SYBU: variants seen among roughly 807,000 people sequenced by gnomAD.
SYBU encodes the protein syntabulin.
In SYBU, 21 loss-of-function variants were observed where a neutral mutation model predicts 35.9. The ratio of observed to expected loss-of-function variants is 0.58; its 90% CI spans 0.41 to 0.84. SYBU has a LOEUF of 0.84. SYBU is among the 40% of genes least tolerant of loss of function. The pLI, the probability that SYBU is intolerant of heterozygous loss-of-function variation, is 0.00. For synonymous variants in SYBU, 319 were observed against 324.3 expected (o/e 0.98, Z 0.18); for missense variants, 768 against 848.2 (o/e 0.91, Z 1.17).
intron 3 of SYBU, among the ~76,000 whole-genome samples, chr8:109,591,681 T>C (rs1824290836): frequency 6.6e-6 from 1 of 150,478 alleles, no homozygotes; most frequent in Non-Finnish European, 1.5e-5. Context: ...CCGGCTAATT[T>C]TTTTGTATTT....
chr8:109,663,258 C>CATACAGATAGATAGATAGAT (rs1282405275), intron 1 of SYBU, among the ~76,000 whole-genome samples: 126 of 149,142 alleles, frequency 8.4e-4, no homozygotes, highest in African/African-American at 2.2e-3. Context: ...AAAATACATA[C>CATACAGATAGATAGATAGAT]AGATAGATAG....
chr8:109,637,599 A>T (rs76985548), intron 2 of SYBU, among the ~76,000 whole-genome samples: 3,705 of 152,208 alleles, frequency 0.024, 144 homozygotes, highest in African/African-American at 0.085. Context: ...TTAAATTCAC[A>T]GGAGGGTAGC....
intron 1 of SYBU, among the ~76,000 whole-genome samples, chr8:109,659,595 C>A (rs895605545): frequency 1.3e-5 from 2 of 152,130 alleles, no homozygotes; most frequent in Non-Finnish European, 1.5e-5. Context: ...AAATTTTACT[C>A]ATCACAACTC....
intron 2 of SYBU, among the ~76,000 whole-genome samples, chr8:109,635,642 T>A (rs1248051569): frequency 6.6e-6 from 1 of 152,154 alleles, no homozygotes; most frequent in Non-Finnish European, 1.5e-5. Context: ...TTAGACACAA[T>A]CCTTCCCCTT....
At chr8:109,686,376 G>A (rs1817519674) in intron 1 of SYBU, among the ~76,000 whole-genome samples, 1 of 152,082 alleles carries the variant, frequency 6.6e-6, no homozygotes, top group Admixed American at 6.6e-5. Context: ...TAAAGTTTAC[G>A]CTTTCAAACC....
upstream of SYBU, among the ~76,000 whole-genome samples, chr8:109,684,327 T>A (rs1217835400): frequency 2.0e-5 from 3 of 152,224 alleles, no homozygotes; most frequent in South Asian, 2.1e-4. Flanking sequence ...TTATGAAAAG[T>A]GATCATAAGT....
In SYBU at chr8:109,617,119, G is replaced by A. The variant is rs1811892628; in HGVS notation, c.427+1723C>T. 2.7e-5 allele frequency among the ~76,000 whole-genome samples: 4 copies of A among 148,408 alleles called. No homozygotes were observed. In the South Asian group the frequency reaches 8.4e-4, roughly 31 times the overall value. On this transcript the variant is annotated intron_variant, in intron 3 of 6. Coordinates refer to ENST00000276646, the MANE Select transcript of SYBU (RefSeq NM_001099754.2). Reference sequence around the variant, plus strand: ...CCACTGCACTCCAGTCTGGGCGACAGTGAGAATCTGTCTCAAAAAAAAAAA... The same window carrying A: ...CCACTGCACTCCAGTCTGGGCGACAATGAGAATCTGTCTCAAAAAAAAAAA...
chr8:109,617,490 C>T (rs1352937915), intron 3 of SYBU, among the ~76,000 whole-genome samples: 1 of 152,154 alleles, frequency 6.6e-6, no homozygotes, highest in Non-Finnish European at 1.5e-5. Flanking sequence ...AATCATATCT[C>T]AATTTTTCAA....
intron 2 of SYBU, among the ~76,000 whole-genome samples, chr8:109,630,333 T>G (rs1813472474): frequency 6.9e-6 from 1 of 145,508 alleles, no homozygotes; most frequent in African/African-American, 2.6e-5. Flanking sequence ...AGATGACGAG[T>G]TAGTGGGTGC....
At chr8:109,601,634 A>T (rs1176368550) in intron 3 of SYBU, among the ~76,000 whole-genome samples, 3 of 152,096 alleles carry the variant, frequency 2.0e-5, no homozygotes, top group Non-Finnish European at 4.4e-5. Flanking sequence ...CATGGGAGAG[A>T]TGACACTTGA....
chr8:109,606,321 A>G (rs1363828813), intron 3 of SYBU, among the ~76,000 whole-genome samples: 1 of 152,226 alleles, frequency 6.6e-6, no homozygotes. Context: ...AATAGAAGTT[A>G]ATTTTTTTGT....
chr8:109,586,084 C>G lies in SYBU; in HGVS notation c.506G>C (p.Ser169Thr). 1 of 1,611,538 alleles carries G rather than the reference C, an allele frequency of 6.2e-7. No homozygotes were observed. The highest frequency in any genetic ancestry group is 1.3e-5 in the African/African-American group (1 of 75,006). ...CTTGCGTGAAGAAGAAGACCGCTTG[C>G]TTCCCGCAGTCGACATATGGACCTC... is the stretch of plus-strand genomic sequence containing the variant. ...APEVHMSTAG[S>T]KRSSSSRNRG... is the part of the protein sequence containing the mutation. The change falls in exon 4 of 7, where the codon AGC (serine) becomes ACC (threonine). Residue 169 changes from serine to threonine, a missense_variant. By Grantham distance (58) the Ser-to-Thr change is moderately conservative. Transcript: ENST00000276646.
intron 3 of SYBU, among the ~76,000 whole-genome samples, chr8:109,593,680 C>A (rs1824541669): frequency 6.6e-6 from 1 of 152,212 alleles, no homozygotes; most frequent in African/African-American, 2.4e-5. Flanking sequence ...CCAGCATACC[C>A]TGCACTGGGG....
At chr8:109,653,553 G>A (rs1031310597) in intron 1 of SYBU, among the ~76,000 whole-genome samples, 2 of 152,186 alleles carry the variant, frequency 1.3e-5, no homozygotes, top group African/African-American at 4.8e-5. Context: ...CCACAACCCT[G>A]TGGATGAATG....
chr8:109,665,652 C>T (rs903684763), intron 1 of SYBU, among the ~76,000 whole-genome samples: 2 of 152,178 alleles, frequency 1.3e-5, no homozygotes, highest in African/African-American at 4.8e-5. Flanking sequence ...AATGAGTTAA[C>T]GGTCAGTGCA....
Position 109,584,966 on chromosome 8 carries a change from C to T in SYBU, c.530+1094G>A, listed in dbSNP as rs1253889001. On this transcript the variant is annotated intron_variant, in intron 4 of 6. Coordinates refer to ENST00000276646, the MANE Select transcript of SYBU (RefSeq NM_001099754.2). This position sits in a 1 kb window ranked among gnomAD's most constrained non-coding sequence, Gnocchi z 4.0. ...GCTCCCTCCATAGCTTTCTTTAAGTCTCTGCTCAGAGCTCAGTTCACCACT... is the reference window on the plus strand; with the variant it reads ...GCTCCCTCCATAGCTTTCTTTAAGTTTCTGCTCAGAGCTCAGTTCACCACT... Among the ~76,000 whole-genome samples the T allele has an allele frequency of 6.6e-6, 1 of 152,156 alleles. No individual in the cohort carries two copies. Among genetic ancestry groups the T allele is most frequent in the Non-Finnish European group, 1.5e-5 (1 of 68,030 alleles).
chr8:109,576,879 T>A (rs1822385787), intron 6 of SYBU, among the ~76,000 whole-genome samples: 1 of 152,106 alleles, frequency 6.6e-6, no homozygotes, highest in Non-Finnish European at 1.5e-5. Context: ...CTCATTTAAG[T>A]TTAGGCTAGA....
intron 3 of SYBU, among the ~76,000 whole-genome samples, chr8:109,611,471 A>G (rs750867712): frequency 3.3e-5 from 5 of 152,208 alleles, no homozygotes; most frequent in Non-Finnish European, 5.9e-5. Context: ...ATCACATTTA[A>G]GCTTTATTTT....
intron 2 of SYBU, among the ~76,000 whole-genome samples, chr8:109,632,178 T>G (rs985563588): frequency 6.6e-6 from 1 of 152,136 alleles, no homozygotes; most frequent in Non-Finnish European, 1.5e-5. Flanking sequence ...GCCTCCTGAA[T>G]AGCTGGAATT....
Sources: gnomAD v4.1 joint callset for allele counts (sites outside exome capture counted in the v4.1 genomes callset) on GRCh38, gnomAD v4.1.1 for gene constraint, Gnocchi (gnomAD v3.1) non-coding constraint, MANE v1.5 for transcripts, NCBI Gene and HGNC (gene_info 2026-07-23, HGNC 2026-07-21) for gene names.